The following SAMD12 variants were observed in gnomAD, a reference collection of about 807,000 sequenced individuals.
SAMD12 encodes the protein sterile alpha motif domain containing 12.
In SAMD12, 9 loss-of-function variants were observed where a neutral mutation model predicts 15.0. The ratio of observed to expected loss-of-function variants is 0.60; its 90% CI spans 0.36 to 1.05. The LOEUF (loss-of-function observed/expected upper bound fraction) is 1.05, where lower values mean the gene tolerates loss of function less well. SAMD12 is among the 50% of genes least tolerant of loss of function. SAMD12 has a pLI of 0.01. For missense variants in SAMD12, 230 were observed against 234.2 expected, an observed-to-expected ratio of 0.98 and a Z score of 0.12; for synonymous variants, 86 against 90.1, an observed-to-expected ratio of 0.96 and a Z score of 0.25.
At chr8:118,284,731 A>C (rs1813852683) in intron 4 of SAMD12, 1 of 171,644 alleles carries the variant, frequency 5.8e-6, no homozygotes, top group Non-Finnish European at 1.2e-5. Flanking sequence ...TCACGAGGTC[A>C]GGAGATCGAG....
At chr8:118,264,730 T>C (rs1174230751) in intron 4 of SAMD12, among the ~76,000 whole-genome samples, 2 of 152,144 alleles carry the variant, frequency 1.3e-5, no homozygotes, top group African/African-American at 2.4e-5. Context: ...GGCTCCTACC[T>C]GGCTGGAGAA....
chr8:118,277,160 T>G (rs916057574), intron 4 of SAMD12, among the ~76,000 whole-genome samples: 4 of 152,196 alleles, frequency 2.6e-5, no homozygotes, highest in African/African-American at 7.2e-5. Context: ...CTTTCTGGTT[T>G]TTTGTGAAGG....
intron 4 of SAMD12, among the ~76,000 whole-genome samples, chr8:118,321,140 AATAAATAT>A (rs1472720087): frequency 3.8e-5 from 3 of 78,754 alleles, no homozygotes; most frequent in Non-Finnish European, 4.4e-5. Flanking sequence ...TATCATAGAT[AATAAATAT>A]ATATATATAT....
At chr8:118,452,170 A>G (rs1205839437) in intron 2 of SAMD12, among the ~76,000 whole-genome samples, 2 of 152,088 alleles carry the variant, frequency 1.3e-5, no homozygotes, top group Non-Finnish European at 2.9e-5. Flanking sequence ...CGGCACCATG[A>G]TCTCAGACTG....
At chr8:118,168,575 C>T in the SAMD12 span, among the ~76,000 whole-genome samples, 12 of 152,242 alleles carry the variant, frequency 7.9e-5, no homozygotes, top group East Asian at 1.9e-4. Flanking sequence ...GTCTTCTTCC[C>T]GGAATATTTT....
At chr8:118,320,606 G>A (rs959830832) in intron 4 of SAMD12, among the ~76,000 whole-genome samples, 2 of 128,078 alleles carry the variant, frequency 1.6e-5, no homozygotes, top group African/African-American at 5.9e-5. Flanking sequence ...TCAGAGGTTA[G>A]AATTGAACAA....
intron 3 of SAMD12, among the ~76,000 whole-genome samples, chr8:118,418,638 G>A (rs970152514): frequency 6.6e-6 from 1 of 151,780 alleles, no homozygotes; most frequent in Admixed American, 6.6e-5. Context: ...AGAATGGCAT[G>A]AACCCGGGAA....
At chr8:118,542,030 G>A (rs1025967279) in intron 2 of SAMD12, among the ~76,000 whole-genome samples, 7 of 152,210 alleles carry the variant, frequency 4.6e-5, no homozygotes, top group African/African-American at 1.7e-4. Flanking sequence ...ATCTTAGTGG[G>A]GATAAACCAA....
At chr8:118,342,204 G>C (rs1817402463) in intron 4 of SAMD12, among the ~76,000 whole-genome samples, 1 of 151,546 alleles carries the variant, frequency 6.6e-6, no homozygotes, top group South Asian at 2.1e-4. Context: ...AGGCATGAGA[G>C]TCATTTGAAC....
At chr8:118,180,703 G>T in the SAMD12 span, among the ~76,000 whole-genome samples, 1 of 151,588 alleles carries the variant, frequency 6.6e-6, no homozygotes, top group Non-Finnish European at 1.5e-5. Flanking sequence ...CTCCCGAGTA[G>T]CTGGGATTAC....
chr8:118,265,135 TG>T (rs1242871549), intron 4 of SAMD12, among the ~76,000 whole-genome samples: 6 of 152,156 alleles, frequency 3.9e-5, no homozygotes, highest in Non-Finnish European at 8.8e-5. Flanking sequence ...CACCCACAAC[TG>T]GCTAATTGGT....
chr8:118,393,603 C>A (rs1159050998), intron 3 of SAMD12, among the ~76,000 whole-genome samples: 1 of 142,532 alleles, frequency 7.0e-6, no homozygotes, highest in East Asian at 2.0e-4. Context: ...TTTTTCTTTT[C>A]TTTTTTTTTT....
chr8:118,304,759 CATAAATAAATAAATAAATAAATAA>C (rs55985938), intron 4 of SAMD12, among the ~76,000 whole-genome samples: 33 of 141,538 alleles, frequency 2.3e-4, no homozygotes, highest in African/African-American at 7.8e-4. Context: ...GACTCCATCT[CATAAATAAATAAATAAATAAATAA>C]ATAAATAAAT....
At chr8:118,543,753 C>T (rs1461072130) in intron 2 of SAMD12, among the ~76,000 whole-genome samples, 2 of 151,524 alleles carry the variant, frequency 1.3e-5, no homozygotes, top group Non-Finnish European at 2.9e-5. Flanking sequence ...TACCCCTGTC[C>T]TTCACCAATA....
chr8:118,458,356 G>T (rs1305107276), intron 2 of SAMD12, among the ~76,000 whole-genome samples: 1 of 151,934 alleles, frequency 6.6e-6, no homozygotes, highest in Admixed American at 6.6e-5. Flanking sequence ...TTCTATTCTG[G>T]GGTCTAATTT....
At chr8:118,212,464 T>C (rs1187883846) in intron 4 of SAMD12, among the ~76,000 whole-genome samples, 2 of 152,232 alleles carry the variant, frequency 1.3e-5, no homozygotes, top group South Asian at 2.1e-4. Context: ...TTCTATGCCT[T>C]CTGGTATAAA....
chr8:118,580,718 A>G lies in SAMD12; in HGVS notation c.189T>C (p.Ala63=), dbSNP rs1827271368. The change falls in exon 2 of 4, where the codon GCT becomes GCC. Residue 63 remains alanine, a synonymous_variant. Transcript: ENST00000314727. ...PKRLQAEAET[A]KSATVKLSKP... The stretch of plus-strand genomic sequence containing the variant: ...AATTAACTGGAATATTACGCACCTT[A>G]GCCGTCTCAGCTTCTGCCTGCAGTC... 1.9e-6 allele frequency: 3 copies of G among 1,611,246 alleles called. No individual in the cohort carries two copies. The African/African-American group carries it at 4.0e-5, about 22-fold the overall frequency.
chr8:118,321,469 C>T (rs1321908368), intron 4 of SAMD12, among the ~76,000 whole-genome samples: 3 of 151,552 alleles, frequency 2.0e-5, no homozygotes, highest in Non-Finnish European at 4.4e-5. Context: ...CAAAAATTAG[C>T]GGGACGTGGT....
At chr8:118,612,872 GAA>G (rs1355871502) in intron 1 of SAMD12, among the ~76,000 whole-genome samples, 1 of 152,208 alleles carries the variant, frequency 6.6e-6, no homozygotes. Context: ...AGTGAGCAAT[GAA>G]AAGAGCTGAA....
Sources: allele counts gnomAD v4.1 joint callset (sites outside exome capture counted in the v4.1 genomes callset), GRCh38; gene constraint gnomAD v4.1.1; transcripts MANE v1.5; gene names NCBI Gene and HGNC (gene_info 2026-07-23, HGNC 2026-07-21).